The following OSBP2 variants were observed in gnomAD, a reference collection of about 807,000 sequenced individuals.
OSBP2 encodes oxysterol binding protein 2.
In OSBP2, 66 loss-of-function variants were observed where a neutral mutation model predicts 96.0. The observed-to-expected ratio is 0.69, with a 90% CI of 0.56 to 0.84. OSBP2 has a LOEUF of 0.84. Among genes scored for constraint, OSBP2 ranks in the 40% least tolerant of loss-of-function variants. OSBP2 has a pLI of 0.00. For synonymous variants in OSBP2, 525 were observed against 520.9 expected (o/e 1.01, Z -0.11); for missense variants, 1,038 against 1,222.7 (o/e 0.85, Z 2.25).
At chr22:30,894,455 C>T (rs2040021197) in intron 12 of OSBP2, 1 of 157,680 alleles carries the variant, frequency 6.3e-6, no homozygotes, top group African/African-American at 2.4e-5. Flanking sequence ...TTTAAAGAGA[C>T]AAAACCCAGA....
intron 2 of OSBP2, among the ~76,000 whole-genome samples, chr22:30,831,193 G>C (rs1197005333): frequency 6.6e-6 from 1 of 152,154 alleles, no homozygotes; most frequent in Non-Finnish European, 1.5e-5. Context: ...GCTTGGGGCG[G>C]GTGTGGACAA....
chr22:30,776,482 G>A (rs136314), intron 2 of OSBP2, among the ~76,000 whole-genome samples: 10,210 of 152,052 alleles, frequency 0.067, 341 homozygotes, highest in Middle Eastern at 0.099. Flanking sequence ...AGTGTACTTC[G>A]CTGAAACATT....
rs2147157429 is a variant in OSBP2, at chr22:30,890,285, A to G, written c.1624-443A>G. On this transcript the variant is annotated intron_variant, in intron 7 of 13. Coordinates refer to ENST00000332585, the MANE Select transcript of OSBP2 (RefSeq NM_030758.4). This position sits in a 1 kb window ranked among gnomAD's most constrained non-coding sequence, Gnocchi z 4.4. ...TGACCCTGCCCTATGTGACACCGAG[A>G]TAGGGGCCTTGGGCCTAACCCATCC... 6.6e-6 allele frequency among the ~76,000 whole-genome samples: 1 copy of G among 152,184 alleles called. No homozygotes were observed. The highest frequency in any genetic ancestry group is 2.4e-5 in the African/African-American group (1 of 41,526).
intron 2 of OSBP2, among the ~76,000 whole-genome samples, chr22:30,830,784 C>T (rs577351605): frequency 1.3e-4 from 20 of 152,076 alleles, no homozygotes; most frequent in Non-Finnish European, 2.8e-4. Flanking sequence ...AAGAGCATGG[C>T]GTTTCCATAG....
Position 30,803,313 on chromosome 22 carries a change from C to CA in OSBP2, c.853+61945dup, listed in dbSNP as rs1371486890. Reference sequence around the variant, plus strand: ...TGAGCAGCTTTCAGGGCTGAGGGCTCAGAGCTATGCCTCAGCACTTTCCCA... The same window carrying CA: ...TGAGCAGCTTTCAGGGCTGAGGGCTCAAGAGCTATGCCTCAGCACTTTCCCA... On this transcript the variant is annotated intron_variant, in intron 2 of 13. Coordinates refer to ENST00000332585, the MANE Select transcript of OSBP2 (RefSeq NM_030758.4). 3.9e-5 allele frequency: 6 copies of CA among 153,032 alleles called. No homozygotes were observed. In the East Asian group the frequency reaches 9.6e-4, roughly 25 times the overall value. The allele number at this position is 153,032 out of a possible 1,614,324, so 9.5% of individuals were successfully genotyped here.
At chr22:30,842,303 C>A (rs2038769457) in intron 2 of OSBP2, among the ~76,000 whole-genome samples, 1 of 152,042 alleles carries the variant, frequency 6.6e-6, no homozygotes, top group Admixed American at 6.6e-5. Context: ...GTCTCAAAAA[C>A]AAAACAAAAC....
intron 2 of OSBP2, among the ~76,000 whole-genome samples, chr22:30,843,316 G>T (rs1170143911): frequency 1.3e-5 from 2 of 152,070 alleles, no homozygotes; most frequent in Non-Finnish European, 2.9e-5. Flanking sequence ...AGACCCCATT[G>T]GTGGCAAATT....
At chr22:30,872,365 T>G in intron 3 of OSBP2, 1 of 456,490 alleles carries the variant, frequency 2.2e-6, no homozygotes, top group Non-Finnish European at 4.4e-6. Flanking sequence ...CAAAACTGCT[T>G]TGTCTTGAAT....
chr22:30,755,334 A>G (rs539669749), intron 2 of OSBP2, among the ~76,000 whole-genome samples: 55 of 152,232 alleles, frequency 3.6e-4, no homozygotes, highest in African/African-American at 1.3e-3. Flanking sequence ...GGAGATGTAC[A>G]GGGCCCCATA....
intron 2 of OSBP2, among the ~76,000 whole-genome samples, chr22:30,800,207 A>G (rs1005223044): frequency 6.6e-6 from 1 of 152,214 alleles, no homozygotes; most frequent in East Asian, 1.9e-4. Context: ...CTGGGAGCTG[A>G]CAGGCCCCTC....
chr22:30,787,129 T>C (rs529246170), intron 2 of OSBP2, among the ~76,000 whole-genome samples: 60 of 152,188 alleles, frequency 3.9e-4, no homozygotes, highest in African/African-American at 1.4e-3. Context: ...ATTCTCCACC[T>C]GTGTTAGTCC....
Position 30,888,235 on chromosome 22 carries a change from C to T in OSBP2, c.1313C>T (p.Thr438Ile), listed in dbSNP as rs374644984. The T allele has an allele frequency of 4.9e-5, 79 of 1,608,716 alleles. No homozygotes were observed. In the African/African-American group the frequency reaches 9.0e-4, roughly 18 times the overall value. The change falls in exon 5 of 14, where the codon ACT (threonine) becomes ATT (isoleucine). Residue 438 changes from threonine to isoleucine, a missense_variant. Physicochemically the swap from Thr to Ile is moderately conservative, Grantham distance 89. Around this residue, in one of 3 missense-constraint regions of OSBP2, gnomAD observed 737 missense variants for 913.3 expected, o/e 0.81. Coordinates refer to ENST00000332585, the MANE Select transcript of OSBP2 (RefSeq NM_030758.4). The stretch of plus-strand genomic sequence containing the variant: ...TCTGTGTCTCTAGGAAGCCTCTTGA[C>T]TCCCAAAGGAGAGGACAGTGAGGAA... ...SKSFIEGSLL[T>I]PKGEDSEEDE...
At chr22:30,789,512 G>T (rs547173987) in intron 2 of OSBP2, among the ~76,000 whole-genome samples, 1 of 152,044 alleles carries the variant, frequency 6.6e-6, no homozygotes, top group Non-Finnish European at 1.5e-5. Flanking sequence ...TGATTTCCTC[G>T]TCATTGACCC....
At chr22:30,751,336 T>C (rs992399787) in intron 2 of OSBP2, among the ~76,000 whole-genome samples, 4 of 151,526 alleles carry the variant, frequency 2.6e-5, no homozygotes, top group African/African-American at 7.3e-5. Context: ...TGTGTGTATA[T>C]ATATATGTAT....
intron 3 of OSBP2, chr22:30,872,440 A>T: frequency 2.2e-6 from 1 of 452,050 alleles, no homozygotes; most frequent in South Asian, 1.6e-5. Flanking sequence ...ACAGTCTTTT[A>T]TCAGACATCA....
intron 1 of OSBP2, among the ~76,000 whole-genome samples, chr22:30,732,787 T>G (rs2089798663): frequency 6.6e-6 from 1 of 152,114 alleles, no homozygotes; most frequent in African/African-American, 2.4e-5. Flanking sequence ...ACCTGAGGGG[T>G]ATTTCTCCCT....
intron 2 of OSBP2, among the ~76,000 whole-genome samples, chr22:30,862,610 G>T (rs147810528): frequency 0.049 from 7,429 of 152,024 alleles, 266 homozygotes; most frequent in Admixed American, 0.078. Flanking sequence ...AACCTGGGAG[G>T]TGGAGGTTGC....
At chr22:30,869,513 G>GT (rs1187125524) in intron 2 of OSBP2, among the ~76,000 whole-genome samples, 1 of 151,990 alleles carries the variant, frequency 6.6e-6, no homozygotes, top group East Asian at 1.9e-4. Context: ...TTGTTTGTTT[G>GT]TTGTTGTGTT....
chr22:30,771,899 A>G (rs958957432), intron 2 of OSBP2, among the ~76,000 whole-genome samples: 1 of 152,172 alleles, frequency 6.6e-6, no homozygotes, highest in African/African-American at 2.4e-5. Flanking sequence ...CTCTCCTTCC[A>G]TGGAAAGGAC....
Sources: allele counts gnomAD v4.1 joint callset (sites outside exome capture counted in the v4.1 genomes callset), GRCh38; gene constraint gnomAD v4.1.1; regional missense constraint gnomAD v4.1.1; non-coding constraint Gnocchi (gnomAD v3.1); transcripts MANE v1.5; gene names NCBI Gene and HGNC (gene_info 2026-07-23, HGNC 2026-07-21).